MTMR3: variants seen among roughly 807,000 people sequenced by gnomAD.
MTMR3 encodes phosphatidylinositol-3,5-bisphosphate 3-phosphatase MTMR3.
Under a neutral mutation model 132.4 loss-of-function variants are expected in MTMR3, and 32 were observed. The ratio of observed to expected loss-of-function variants is 0.24; its 90% CI spans 0.18 to 0.32. The LOEUF (loss-of-function observed/expected upper bound fraction) is 0.32. MTMR3 is among the 10% of genes least tolerant of loss of function. MTMR3 has a pLI of 1.00. For synonymous variants in MTMR3, 556 were observed against 550.3 expected (o/e 1.01, Z -0.14); for missense variants, 1,216 against 1,489.6 (o/e 0.82, Z 3.02).
intron 14 of MTMR3, chr22:30,016,159 TG>T (rs2067584918): frequency 4.8e-6 from 1 of 207,672 alleles, no homozygotes; most frequent in Non-Finnish European, 9.8e-6. Context: ...CTCAATAATT[TG>T]TAGAATGAAC....
At chr22:29,935,623 A>G (rs1013214208) in intron 1 of MTMR3, among the ~76,000 whole-genome samples, 10 of 152,182 alleles carry the variant, frequency 6.6e-5, no homozygotes, top group Non-Finnish European at 1.2e-4. Context: ...CAAATTGTAG[A>G]GAATAGAATA....
intron 1 of MTMR3, among the ~76,000 whole-genome samples, chr22:29,931,196 CAG>C (rs2065636645): frequency 6.6e-6 from 1 of 152,100 alleles, no homozygotes; most frequent in African/African-American, 2.4e-5. Flanking sequence ...ACAAGGTTAA[CAG>C]TACTTGAATC....
intron 1 of MTMR3, among the ~76,000 whole-genome samples, chr22:29,887,794 T>C (rs2064708023): frequency 1.3e-5 from 2 of 152,192 alleles, no homozygotes; most frequent in African/African-American, 4.8e-5. Context: ...GGCAGTGTCA[T>C]AGGGTAATGA....
chr22:29,988,553 A>C lies in MTMR3; in HGVS notation c.284A>C (p.Lys95Thr). The change falls in exon 6 of 20, where the codon AAA (lysine) becomes ACA (threonine). Residue 95 changes from lysine to threonine, a missense_variant. Physicochemically the swap from Lys to Thr is moderately conservative, Grantham distance 78. Transcript: ENST00000401950. ...CTTCATTTGACTTGCAAAGACTGCAAAGTTATCAGGTATGTGGTATGGTAT... is the reference window on the plus strand; with the variant it reads ...CTTCATTTGACTTGCAAAGACTGCACAGTTATCAGGTATGTGGTATGGTAT... ...FQLHLTCKDC[K>T]VIRCQFSTFE... 6.2e-7 allele frequency: 1 copy of C among 1,611,028 alleles called. No homozygotes were observed. Among genetic ancestry groups the C allele is most frequent in the Non-Finnish European group, 8.5e-7 (1 of 1,177,708 alleles).
rs868632830 is a variant in MTMR3, at chr22:29,896,916, A to C, written c.-138+13557A>C. 1.5e-4 allele frequency among the ~76,000 whole-genome samples: 14 copies of C among 92,434 alleles called. No homozygotes were observed. The South Asian group carries it at 3.2e-3, about 21-fold the overall frequency. The allele number at this position is 92,434 out of a possible 152,430, so 60.6% of individuals were successfully genotyped here. ...ACACACACACACATACACACACACA[A>C]ATCCCATATAGAATCTACAAAGCCT... On this transcript the variant is annotated intron_variant, in intron 1 of 19. Transcript: ENST00000401950.
intron 5 of MTMR3, chr22:29,980,390 A>T (rs974368824): frequency 6.6e-6 from 1 of 152,204 alleles, no homozygotes; most frequent in Non-Finnish European, 1.5e-5. Context: ...CACCAGATTC[A>T]TTAAGGAAAG....
chr22:29,935,822 G>A (rs748207906), intron 1 of MTMR3, among the ~76,000 whole-genome samples: 9 of 138,440 alleles, frequency 6.5e-5, no homozygotes, highest in Non-Finnish European at 9.1e-5. Context: ...GTGCAATCTC[G>A]GCTCACTGCA....
chr22:29,962,131 A>G (rs1443296998), intron 2 of MTMR3, among the ~76,000 whole-genome samples: 1 of 152,260 alleles, frequency 6.6e-6, no homozygotes, highest in Non-Finnish European at 1.5e-5. Context: ...CTGTCTGGAT[A>G]GACTTATGAA....
chr22:29,887,179 A>T (rs1482658246), intron 1 of MTMR3, among the ~76,000 whole-genome samples: 1 of 152,220 alleles, frequency 6.6e-6, no homozygotes, highest in Non-Finnish European at 1.5e-5. Context: ...GATATTAAAA[A>T]TGAAAATTGT....
chr22:29,990,614 T>C (rs778900134), intron 6 of MTMR3: 2 of 152,256 alleles, frequency 1.3e-5, no homozygotes, highest in Non-Finnish European at 2.9e-5. Flanking sequence ...AGAGCCTCAC[T>C]CTGTTGCCCA....
chr22:29,958,741 C>A (rs780486205), intron 2 of MTMR3, among the ~76,000 whole-genome samples: 2 of 152,178 alleles, frequency 1.3e-5, no homozygotes, highest in Non-Finnish European at 2.9e-5. Flanking sequence ...TTGTTGGTCA[C>A]CCCCACAGGA....
chr22:29,892,934 C>T (rs914715999), intron 1 of MTMR3, among the ~76,000 whole-genome samples: 1 of 152,182 alleles, frequency 6.6e-6, no homozygotes, highest in Non-Finnish European at 1.5e-5. Context: ...GATTTGAGAT[C>T]ATCATTTAAT....
intron 1 of MTMR3, among the ~76,000 whole-genome samples, chr22:29,954,305 T>C (rs2066146196): frequency 6.6e-6 from 1 of 151,946 alleles, no homozygotes; most frequent in Non-Finnish European, 1.5e-5. Flanking sequence ...GGTATTTCTT[T>C]GTTGTATAGG....
At chr22:30,018,985 C>T (rs543927899) in intron 16 of MTMR3, 2 of 152,982 alleles carry the variant, frequency 1.3e-5, no homozygotes, top group East Asian at 1.9e-4. Context: ...GGGCGGATCA[C>T]CTGAGGTCAG....
chr22:29,904,670 T>C (rs1211712972), intron 1 of MTMR3, among the ~76,000 whole-genome samples: 1 of 152,242 alleles, frequency 6.6e-6, no homozygotes, highest in Non-Finnish European at 1.5e-5. Context: ...ACACTACAGT[T>C]ACACATCCTC....
chr22:29,987,579 A>G (rs1225400021), intron 5 of MTMR3: 2 of 152,194 alleles, frequency 1.3e-5, no homozygotes, highest in African/African-American at 4.8e-5. Context: ...TGCTTTTTGA[A>G]GCCAAGGGTT....
At chr22:30,002,805 G>C (rs2067203038) in intron 8 of MTMR3, 75 bp from the exon 9 acceptor site, 4 of 1,094,960 alleles carry the variant, frequency 3.7e-6, no homozygotes, top group African/African-American at 3.1e-5. Context: ...CTCACCTAGT[G>C]TCTCTCTCTC....
intron 1 of MTMR3, among the ~76,000 whole-genome samples, chr22:29,928,377 G>A (rs2065568513): frequency 6.6e-6 from 1 of 151,584 alleles, no homozygotes; most frequent in African/African-American, 2.4e-5. Flanking sequence ...TCATCATATT[G>A]GCCATGTTGG....
At chr22:29,908,927 TAA>T (rs1053476044) in intron 1 of MTMR3, among the ~76,000 whole-genome samples, 49 of 152,218 alleles carry the variant, frequency 3.2e-4, no homozygotes, top group African/African-American at 9.9e-4. Flanking sequence ...TCCCAAAAGT[TAA>T]GAGTGCTTTT....
Sources: allele counts gnomAD v4.1 joint callset (sites outside exome capture counted in the v4.1 genomes callset), GRCh38; gene constraint gnomAD v4.1.1; transcripts MANE v1.5; gene names NCBI Gene and HGNC (gene_info 2026-07-23, HGNC 2026-07-21).